TXNDC16: variants seen among roughly 807,000 people sequenced by gnomAD.
TXNDC16 encodes the protein thioredoxin domain-containing protein 16.
TXNDC16 carries 74 observed loss-of-function variants against 85.6 expected under a neutral mutation model. That is an observed-to-expected ratio of 0.86 (90% CI 0.72 to 1.05). The LOEUF (loss-of-function observed/expected upper bound fraction) is 1.05. TXNDC16 is among the 50% of genes least tolerant of loss of function. The pLI, the probability that TXNDC16 is intolerant of heterozygous loss-of-function variation, is 0.00. For missense variants in TXNDC16, 959 were observed against 947.0 expected, an observed-to-expected ratio of 1.01 and a Z score of -0.17; for synonymous variants, 335 against 326.5, an observed-to-expected ratio of 1.03 and a Z score of -0.28.
At chr14:52,502,977 T>C (rs140115356) in intron 9 of TXNDC16, among the ~76,000 whole-genome samples, 37 of 152,278 alleles carry the variant, frequency 2.4e-4, no homozygotes, top group Middle Eastern at 6.8e-3. Context: ...GCCTCACTCA[T>C]TGCTAGCACA....
At chr14:52,436,024 G>C (rs989513884) in intron 20 of TXNDC16, among the ~76,000 whole-genome samples, 2 of 151,932 alleles carry the variant, frequency 1.3e-5, no homozygotes, top group African/African-American at 4.8e-5. Flanking sequence ...AAACAAAGTA[G>C]GAGTAATCAA....
In TXNDC16 at chr14:52,482,979, A is replaced by T; in HGVS notation, c.1109-14T>A. 1 of 1,588,538 alleles carries T rather than the reference A, an allele frequency of 6.3e-7. No homozygotes were observed. The highest frequency in any genetic ancestry group is 8.5e-7 in the Non-Finnish European group (1 of 1,171,700). ...CATCCTGAACATCTAAAATGTTGGA[A>T]AAGAAATTAATTTAAATATTGATGT... On this transcript the variant is annotated splice_polypyrimidine_tract_variant and intron_variant, in intron 12 of 20. Coordinates refer to ENST00000281741, the MANE Select transcript of TXNDC16 (RefSeq NM_020784.3).
chr14:52,525,283 C>T (rs943536912), intron 6 of TXNDC16, among the ~76,000 whole-genome samples: 7 of 151,944 alleles, frequency 4.6e-5, no homozygotes, highest in African/African-American at 7.2e-5. Context: ...GGGCAAAATC[C>T]GTAACACATT....
intron 17 of TXNDC16, 80 bp from the exon 18 acceptor site, chr14:52,455,542 A>G: frequency 6.6e-7 from 1 of 1,516,590 alleles, no homozygotes; most frequent in East Asian, 2.3e-5. Context: ...AGGAGGTCAC[A>G]GTGTGAGGCA....
intron 5 of TXNDC16, 90 bp downstream of exon 5, chr14:52,537,509 C>G: frequency 9.9e-7 from 1 of 1,008,626 alleles, no homozygotes; most frequent in Non-Finnish European, 1.5e-6. Flanking sequence ...CTACATATGA[C>G]TTTATTCTAG....
intron 12 of TXNDC16, among the ~76,000 whole-genome samples, chr14:52,486,693 T>G (rs1463408026): frequency 6.6e-6 from 1 of 152,122 alleles, no homozygotes; most frequent in Admixed American, 6.6e-5. Flanking sequence ...GGGGAAGAAT[T>G]AGATACAGGC....
rs762825960 is a variant in TXNDC16, at chr14:52,457,153, G to A, written c.1640C>T (p.Ala547Val). The A allele has an allele frequency of 1.5e-5, 24 of 1,585,952 alleles. No individual in the cohort carries two copies. Among genetic ancestry groups the A allele is most frequent in the Non-Finnish European group, 2.1e-5 (24 of 1,169,380 alleles). Residue 547 changes from alanine (A) to valine (V), a missense_variant, in exon 17 of 21, where the codon GCA becomes GTA. By Grantham distance (64) the Ala-to-Val change is moderately conservative. Coordinates refer to ENST00000281741, the MANE Select transcript of TXNDC16 (RefSeq NM_020784.3). ...AACATATCCTTTTAGGTAGTTTCCT[G>A]CTTCACTAAAATCTTCTTTTGCTAT... ...MKTAKEDFSEAGNYLKGYVIT... is the reference protein window; with the variant it reads ...MKTAKEDFSEVGNYLKGYVIT...
chr14:52,499,885 T>C (rs1221933887), intron 9 of TXNDC16, among the ~76,000 whole-genome samples: 1 of 152,186 alleles, frequency 6.6e-6, no homozygotes, highest in Non-Finnish European at 1.5e-5. Context: ...AGATTATTTA[T>C]AATATCAAAT....
At chr14:52,442,185 A>G (rs1190661869) in intron 18 of TXNDC16, among the ~76,000 whole-genome samples, 1 of 152,234 alleles carries the variant, frequency 6.6e-6, no homozygotes, top group Non-Finnish European at 1.5e-5. Context: ...ATTTAGGATT[A>G]AAAATAGCAA....
At chr14:52,489,933 C>T (rs904510886) in intron 11 of TXNDC16, among the ~76,000 whole-genome samples, 4 of 152,122 alleles carry the variant, frequency 2.6e-5, no homozygotes, top group Non-Finnish European at 4.4e-5. Context: ...ACCTCTGGGG[C>T]TCAAGTGATT....
At chr14:52,448,042 T>C (rs1353900436) in intron 18 of TXNDC16, among the ~76,000 whole-genome samples, 1 of 147,834 alleles carries the variant, frequency 6.8e-6, no homozygotes, top group Non-Finnish European at 1.5e-5. Flanking sequence ...GCAGGCCTAC[T>C]AGGATCTAGA....
intron 9 of TXNDC16, among the ~76,000 whole-genome samples, chr14:52,498,650 T>C (rs540580912): frequency 1.5e-4 from 23 of 152,154 alleles, no homozygotes; most frequent in African/African-American, 5.3e-4. Flanking sequence ...CTACAAAACA[T>C]TGCTGAGAGA....
At chr14:52,531,697 G>C (rs79752846) in intron 6 of TXNDC16, among the ~76,000 whole-genome samples, 13,125 of 152,192 alleles carry the variant, frequency 0.086, 628 homozygotes, top group East Asian at 0.14. Context: ...TTTGGGGGTA[G>C]TGAATCTATT....
At chr14:52,450,318 A>G (rs771823231) in intron 18 of TXNDC16, among the ~76,000 whole-genome samples, 3 of 152,040 alleles carry the variant, frequency 2.0e-5, no homozygotes, top group African/African-American at 4.8e-5. Flanking sequence ...ATGCCAATAA[A>G]TTGGAAAATT....
At chr14:52,522,284 C>T (rs1202705822) in intron 6 of TXNDC16, among the ~76,000 whole-genome samples, 4 of 152,202 alleles carry the variant, frequency 2.6e-5, no homozygotes, top group Non-Finnish European at 5.9e-5. Flanking sequence ...TTATTAGGTA[C>T]TTACCACATG....
At chr14:52,549,790 A>G (rs1311845075) in intron 1 of TXNDC16, among the ~76,000 whole-genome samples, 11 of 152,020 alleles carry the variant, frequency 7.2e-5, no homozygotes, top group African/African-American at 2.7e-4. Context: ...GGCGCCCGCC[A>G]CCACACCTGG....
intron 18 of TXNDC16, among the ~76,000 whole-genome samples, chr14:52,443,180 GA>G (rs2035204779): frequency 6.6e-6 from 1 of 151,972 alleles, no homozygotes; most frequent in Non-Finnish European, 1.5e-5. Flanking sequence ...AGCACAACTA[GA>G]AAAAAACATA....
chr14:52,528,963 A>C lies in TXNDC16; in HGVS notation c.392+7756T>G, dbSNP rs147100663. 6.1e-3 allele frequency among the ~76,000 whole-genome samples: 894 copies of C among 147,684 alleles called. 6 individuals are homozygous for C. Among genetic ancestry groups the C allele is most frequent in the Non-Finnish European group, 0.01 (691 of 67,178 alleles). On this transcript the variant is annotated intron_variant, in intron 6 of 20. Coordinates refer to ENST00000281741, the MANE Select transcript of TXNDC16 (RefSeq NM_020784.3). ...AATACCTATTCTATATATTATCTAT[A>C]TAATACCTATTCTATATAATCTATA...
Position 52,455,330 on chromosome 14 carries a change from T to C in TXNDC16, c.1836A>G (p.Glu612=). 5 of 1,613,648 alleles carry C rather than the reference T, an allele frequency of 3.1e-6. No individual in the cohort carries two copies. Among genetic ancestry groups the C allele is most frequent in the Non-Finnish European group, 4.2e-6 (5 of 1,179,774 alleles). Residue 612 remains glutamate, a synonymous_variant, in exon 18 of 21, where the codon GAA becomes GAG. Transcript: ENST00000281741. ...IVQIITDALL[E]MFPEITVENL... is the part of the protein sequence containing the mutation. ...TATTATAAAACATACTCACAAACATTTCCAGTAGTGCATCTGTTATTATTT... is the reference window on the plus strand; with the variant it reads ...TATTATAAAACATACTCACAAACATCTCCAGTAGTGCATCTGTTATTATTT...
Sources: gnomAD v4.1 joint callset for allele counts (sites outside exome capture counted in the v4.1 genomes callset) on GRCh38, gnomAD v4.1.1 for gene constraint, MANE v1.5 for transcripts, NCBI Gene and HGNC (gene_info 2026-07-23, HGNC 2026-07-21) for gene names.